Variants in LRRK1 observed in about 807,000 individuals in gnomAD.
LRRK1 encodes leucine rich repeat kinase 1, also known as leucine-rich repeat serine/threonine-protein kinase 1.
Under a neutral mutation model 209.1 loss-of-function variants are expected in LRRK1, and 113 were observed. The ratio of observed to expected loss-of-function variants is 0.54; its 90% CI spans 0.46 to 0.63. The LOEUF (loss-of-function observed/expected upper bound fraction) is 0.63, where lower values mean the gene tolerates loss of function less well. Ranked by LOEUF, LRRK1 falls within the 30% of genes least tolerant of loss-of-function variation. LRRK1 has a pLI of 0.00. For synonymous variants in LRRK1, 1,144 were observed against 1,099.7 expected, an observed-to-expected ratio of 1.04 and a Z score of -0.80; for missense variants, 2,284 against 2,632.2, an observed-to-expected ratio of 0.87 and a Z score of 2.89.
intron 3 of LRRK1, among the ~76,000 whole-genome samples, chr15:100,979,164 G>GA (rs1173426000): frequency 3.3e-5 from 5 of 151,984 alleles, no homozygotes; most frequent in Admixed American, 2.0e-4. Context: ...AATTGATACA[G>GA]AAAAAAATTG....
chr15:100,950,531 A>G (rs1299297447), intron 2 of LRRK1, among the ~76,000 whole-genome samples: 1 of 152,236 alleles, frequency 6.6e-6, no homozygotes. Flanking sequence ...GGCTAAACCT[A>G]TAAAACTCTT....
chr15:101,020,021 T>C (rs2033704562), intron 12 of LRRK1, among the ~76,000 whole-genome samples: 1 of 152,208 alleles, frequency 6.6e-6, no homozygotes, highest in African/African-American at 2.4e-5. Context: ...AAGAATGGCA[T>C]TGTAAGAAGC....
intron 2 of LRRK1, among the ~76,000 whole-genome samples, chr15:100,925,227 T>A (rs943457036): frequency 6.6e-6 from 1 of 152,202 alleles, no homozygotes; most frequent in African/African-American, 2.4e-5. Flanking sequence ...TGCATGTTGC[T>A]TTTTTCTCTT....
chr15:100,993,125 T>A (rs1336173216), intron 6 of LRRK1, among the ~76,000 whole-genome samples: 1 of 152,214 alleles, frequency 6.6e-6, no homozygotes, highest in Admixed American at 6.5e-5. Flanking sequence ...CTCAGAGGGA[T>A]GCTTGACAAA....
chr15:100,962,823 ATTTT>A (rs1161979293), intron 2 of LRRK1, among the ~76,000 whole-genome samples: 268 of 11,526 alleles, frequency 0.023, 18 homozygotes, highest in Non-Finnish European at 0.035. Context: ...ATATATATAT[ATTTT>A]TTTTTTTTTT....
rs143883583 is a variant in LRRK1, at chr15:101,073,240, C to T, written c.*4392C>T. 0.03 allele frequency: 4,601 copies of T among 152,412 alleles called. 114 individuals carry two copies. Among genetic ancestry groups the T allele is most frequent in the East Asian group, 0.13 (650 of 5,192 alleles). 9.4% of individuals were successfully genotyped at this position (152,412 alleles called of 1,614,324 possible). On this transcript the variant is annotated 3_prime_UTR_variant, in exon 34 of 34. Transcript: ENST00000388948. ...AGAGATAAAGGAGACACGTTTTATC[C>T]GTGGACCCAAAACTCCAGCGCCGGT...
Position 101,071,184 on chromosome 15 carries a change from A to AG in LRRK1, c.*2337dup, listed in dbSNP as rs966067974. 3.9e-5 allele frequency: 6 copies of AG among 152,194 alleles called. No individual in the cohort carries two copies. The highest frequency in any genetic ancestry group is 1.4e-4 in the African/African-American group (6 of 41,396). 9.4% of individuals were successfully genotyped at this position (152,194 alleles called of 1,614,324 possible). A position where few individuals can be genotyped will look rare whatever the true frequency, so the allele number is the denominator to read the frequency against. On this transcript the variant is annotated 3_prime_UTR_variant, in exon 34 of 34. Transcript: ENST00000388948. ...CAGTGACCTCTGGCGGGTGTAGAAG[A>AG]GCTCATGCTTCAGTGAGGGGGTGGG...
At chr15:101,023,912 A>G (rs1015418525) in intron 15 of LRRK1, among the ~76,000 whole-genome samples, 1 of 152,234 alleles carries the variant, frequency 6.6e-6, no homozygotes, top group Non-Finnish European at 1.5e-5. Flanking sequence ...TCCAGGAACC[A>G]GAATCCTCTG....
intron 26 of LRRK1, among the ~76,000 whole-genome samples, chr15:101,054,122 G>A (rs182271875): frequency 1.9e-4 from 29 of 152,204 alleles, no homozygotes; most frequent in Admixed American, 1.7e-3. Context: ...ACAAGCACAC[G>A]CCACCACACC....
At chr15:100,974,887 A>G (rs1297561957) in intron 3 of LRRK1, among the ~76,000 whole-genome samples, 1 of 152,230 alleles carries the variant, frequency 6.6e-6, no homozygotes. Context: ...ACTGGCTATT[A>G]TCATGAAAAT....
At chr15:100,925,413 T>C (rs2141591948) in intron 2 of LRRK1, among the ~76,000 whole-genome samples, 1 of 152,360 alleles carries the variant, frequency 6.6e-6, no homozygotes, top group East Asian at 1.9e-4. Context: ...GGGAGTGCTA[T>C]GTGCAGTTAT....
At chr15:100,949,618 C>G (rs1308538083) in intron 2 of LRRK1, among the ~76,000 whole-genome samples, 1 of 152,090 alleles carries the variant, frequency 6.6e-6, no homozygotes, top group Non-Finnish European at 1.5e-5. Flanking sequence ...GATGCAAAAT[C>G]TCAACAAGAC....
At chr15:100,997,013 C>T (rs1214331291) in intron 6 of LRRK1, among the ~76,000 whole-genome samples, 2 of 151,394 alleles carry the variant, frequency 1.3e-5, no homozygotes, top group Admixed American at 6.6e-5. Context: ...GGATTCTAGA[C>T]AAGTTAGCGT....
intron 26 of LRRK1, 52 bp downstream of exon 26, chr15:101,053,472 C>A (rs2035604983): frequency 9.5e-6 from 14 of 1,471,634 alleles, no homozygotes; most frequent in Admixed American, 2.0e-5. Flanking sequence ...GAGCCCCGGG[C>A]GCCTCCTGCC....
chr15:100,933,299 G>A lies in LRRK1; in HGVS notation c.97+8570G>A, dbSNP rs556956324. 4.6e-5 allele frequency among the ~76,000 whole-genome samples: 7 copies of A among 152,238 alleles called. No homozygotes were observed. The South Asian group carries it at 6.2e-4, about 14-fold the overall frequency. On this transcript the variant is annotated intron_variant, in intron 2 of 33. Coordinates refer to ENST00000388948, the MANE Select transcript of LRRK1 (RefSeq NM_024652.6). ...GCTTGGTCTTCCAAAATTTTCCAAC[G>A]AAAGACCTGGGTGAGGGTCCTCTTC...
At chr15:100,941,244 C>CTA (rs2042397358) in intron 2 of LRRK1, among the ~76,000 whole-genome samples, 1 of 107,498 alleles carries the variant, frequency 9.3e-6, no homozygotes. Flanking sequence ...CTGTGTGTGT[C>CTA]TGTCTGTGTG....
At chr15:100,941,444 G>GTC (rs2042427798) in intron 2 of LRRK1, among the ~76,000 whole-genome samples, 2 of 137,364 alleles carry the variant, frequency 1.5e-5, no homozygotes, top group African/African-American at 3.0e-5. Flanking sequence ...GTGTGTGTGT[G>GTC]TCTGTGTGTG....
chr15:100,993,633 GA>G (rs1319596344), intron 6 of LRRK1, among the ~76,000 whole-genome samples: 1 of 152,076 alleles, frequency 6.6e-6, no homozygotes, highest in African/African-American at 2.4e-5. Context: ...AGTTTTCCCA[GA>G]TATTTATTTT....
chr15:100,928,072 T>G (rs2042145851), intron 2 of LRRK1, among the ~76,000 whole-genome samples: 1 of 152,158 alleles, frequency 6.6e-6, no homozygotes. Flanking sequence ...GTGCTGTTTA[T>G]GTTTCCTGCA....
Sources: allele counts gnomAD v4.1 joint callset (sites outside exome capture counted in the v4.1 genomes callset), GRCh38; gene constraint gnomAD v4.1.1; transcripts MANE v1.5; gene names NCBI Gene and HGNC (gene_info 2026-07-23, HGNC 2026-07-21).